The following CNTN4 variants were observed in gnomAD, a reference collection of about 807,000 sequenced individuals.
CNTN4 encodes the protein contactin-4.
In CNTN4, 77 loss-of-function variants were observed where a neutral mutation model predicts 122.5. That is an observed-to-expected ratio of 0.63 (90% confidence interval 0.52 to 0.76). The LOEUF is 0.76. CNTN4 is among the 30% of genes least tolerant of loss of function. CNTN4 has a pLI of 0.00. For synonymous variants in CNTN4, 512 were observed against 447.0 expected, an observed-to-expected ratio of 1.15 and a Z score of -1.83; for missense variants, 1,256 against 1,259.1, an observed-to-expected ratio of 1.00 and a Z score of 0.04.
intron 3 of CNTN4, among the ~76,000 whole-genome samples, chr3:2,372,264 A>G (rs1426496059): frequency 6.6e-6 from 1 of 152,242 alleles, no homozygotes; most frequent in African/African-American, 2.4e-5. Flanking sequence ...TTGAAGCAGT[A>G]TTATAAAGGA....
chr3:2,701,802 G>A (rs1407173106), intron 4 of CNTN4, among the ~76,000 whole-genome samples: 1 of 152,060 alleles, frequency 6.6e-6, no homozygotes, highest in Non-Finnish European at 1.5e-5. Flanking sequence ...TTAGATTGCT[G>A]CAAAAGTAAT....
intron 3 of CNTN4, among the ~76,000 whole-genome samples, chr3:2,509,369 A>G (rs1447933031): frequency 2.0e-5 from 3 of 152,240 alleles, no homozygotes; most frequent in African/African-American, 7.2e-5. Flanking sequence ...ATCTGAAGAA[A>G]AAAAGAAACT....
At chr3:2,715,190 A>G (rs1013086624) in intron 4 of CNTN4, among the ~76,000 whole-genome samples, 2 of 152,214 alleles carry the variant, frequency 1.3e-5, no homozygotes, top group Admixed American at 6.5e-5. Flanking sequence ...AGAAAACTGT[A>G]TGTTTCTAAA....
intron 2 of CNTN4, among the ~76,000 whole-genome samples, chr3:2,210,379 G>C (rs962245472): frequency 6.6e-6 from 1 of 152,130 alleles, no homozygotes; most frequent in Non-Finnish European, 1.5e-5. Flanking sequence ...ACAGCACGCT[G>C]CACCATTCCC....
intron 3 of CNTN4, among the ~76,000 whole-genome samples, chr3:2,384,984 A>T (rs902695954): frequency 1.4e-4 from 21 of 151,928 alleles, no homozygotes; most frequent in African/African-American, 4.4e-4. Flanking sequence ...CTTGAAAGTC[A>T]TTGTTGGTTT....
At chr3:2,678,558 A>T (rs1261691391) in intron 4 of CNTN4, among the ~76,000 whole-genome samples, 1 of 152,104 alleles carries the variant, frequency 6.6e-6, no homozygotes. Context: ...GATGTAAGTG[A>T]CCGGAACCAC....
chr3:2,510,683 A>C (rs979304480), intron 3 of CNTN4, among the ~76,000 whole-genome samples: 1 of 152,118 alleles, frequency 6.6e-6, no homozygotes, highest in Non-Finnish European at 1.5e-5. Flanking sequence ...GTCTGGGCAA[A>C]AGCGTGTGTG....
At chr3:2,543,491 T>A (rs1308460327) in intron 3 of CNTN4, among the ~76,000 whole-genome samples, 1 of 152,044 alleles carries the variant, frequency 6.6e-6, no homozygotes, top group East Asian at 1.9e-4. Context: ...GATAACAGTG[T>A]GTACGGGTTT....
intron 7 of CNTN4, among the ~76,000 whole-genome samples, chr3:2,825,017 A>T (rs1013716557): frequency 6.6e-5 from 10 of 152,048 alleles, no homozygotes; most frequent in Non-Finnish European, 1.3e-4. Flanking sequence ...CTTTGACTTT[A>T]TATGTTTTTG....
intron 3 of CNTN4, among the ~76,000 whole-genome samples, chr3:2,561,485 C>A (rs1383134391): frequency 6.6e-6 from 1 of 152,122 alleles, no homozygotes; most frequent in Non-Finnish European, 1.5e-5. Flanking sequence ...AGTGGGAAAT[C>A]CAAGGGGTCA....
intron 3 of CNTN4, among the ~76,000 whole-genome samples, chr3:2,442,709 C>G (rs1287302234): frequency 6.6e-6 from 1 of 152,016 alleles, no homozygotes; most frequent in East Asian, 1.9e-4. Context: ...GGACCTTAAG[C>G]TACTTGGGTA....
chr3:2,624,776 C>T (rs1042736483), intron 4 of CNTN4, among the ~76,000 whole-genome samples: 6 of 151,594 alleles, frequency 4.0e-5, no homozygotes, highest in African/African-American at 4.9e-5. Context: ...GGACTATAGG[C>T]GCATACTACC....
chr3:2,446,116 GC>G (rs2048617057), intron 3 of CNTN4, among the ~76,000 whole-genome samples: 2 of 152,148 alleles, frequency 1.3e-5, no homozygotes, highest in South Asian at 4.1e-4. Flanking sequence ...TCCCTAATCT[GC>G]CCACTTTGCT....
At chr3:2,444,935 TAATTAG>T (rs1213825749) in intron 3 of CNTN4, among the ~76,000 whole-genome samples, 1 of 151,944 alleles carries the variant, frequency 6.6e-6, no homozygotes, top group African/African-American at 2.4e-5. Flanking sequence ...TATCACTAGA[TAATTAG>T]AATTTCCTAC....
chr3:2,226,429 A>G (rs953354393), intron 2 of CNTN4, among the ~76,000 whole-genome samples: 8 of 152,190 alleles, frequency 5.3e-5, no homozygotes, highest in Admixed American at 4.6e-4. Context: ...TAACCACTTT[A>G]CATACAGAGC....
At chr3:2,120,185 C>G (rs973206148) in intron 2 of CNTN4, among the ~76,000 whole-genome samples, 3 of 151,154 alleles carry the variant, frequency 2.0e-5, no homozygotes, top group Non-Finnish European at 2.9e-5. Context: ...GTGAAGGGGG[C>G]TCTAAATAGA....
intron 3 of CNTN4, among the ~76,000 whole-genome samples, chr3:2,544,874 G>T (rs1014900321): frequency 2.0e-5 from 3 of 151,458 alleles, no homozygotes; most frequent in African/African-American, 7.3e-5. Flanking sequence ...ATTTCCTTCA[G>T]TTCAGCTCTG....
At position 2,841,568 on chromosome 3, in the gene CNTN4, C is replaced by G. The variant is rs776279958; in HGVS notation, c.454+21987C>G. Among the ~76,000 whole-genome samples the G allele has an allele frequency of 1.3e-5, 2 of 152,198 alleles. No homozygotes were observed. Among genetic ancestry groups the G allele is most frequent in the East Asian group, 1.9e-4 (1 of 5,198 alleles). ...TCCCAATCGGGCTCCAACCCTCAAA[C>G]TATATTTGGCCATTGGCTTCGGGAT... On this transcript the variant is annotated intron_variant, in intron 7 of 24. Transcript: ENST00000418658. The surrounding 1 kb of genome is among the most constrained non-coding windows in gnomAD (Gnocchi z 4.8).
chr3:2,532,654 C>T (rs1044476480), intron 3 of CNTN4, among the ~76,000 whole-genome samples: 12 of 152,018 alleles, frequency 7.9e-5, no homozygotes, highest in Non-Finnish European at 1.8e-4. Flanking sequence ...ATATTCTACT[C>T]TCAAAAAGCT....
Sources: gnomAD v4.1 joint callset for allele counts (sites outside exome capture counted in the v4.1 genomes callset) on GRCh38, gnomAD v4.1.1 for gene constraint, Gnocchi (gnomAD v3.1) non-coding constraint, MANE v1.5 for transcripts, NCBI Gene and HGNC (gene_info 2026-07-23, HGNC 2026-07-21) for gene names.